The following PCDHA4 variants were observed in gnomAD, a reference collection of about 807,000 sequenced individuals.
PCDHA4 encodes the protein protocadherin alpha-4.
A neutral mutation model predicts 61.4 loss-of-function variants in PCDHA4; 49 were observed. The ratio of observed to expected loss-of-function variants is 0.80; its 90% confidence interval spans 0.63 to 1.01. PCDHA4 has a LOEUF of 1.01. Ranked by LOEUF, PCDHA4 falls within the 50% of genes least tolerant of loss-of-function variation. The pLI is 0.00. For missense variants in PCDHA4, 1,254 were observed against 1,235.8 expected (o/e 1.01, Z -0.22); for synonymous variants, 590 against 550.3 (o/e 1.07, Z -1.01).
chr5:140,907,136 G>A (rs115442963), intron 1 of PCDHA4, among the ~76,000 whole-genome samples: 1,721 of 152,234 alleles, frequency 0.011, 29 homozygotes, highest in African/African-American at 0.038. Flanking sequence ...TGTGAATTCC[G>A]GCTATGGGAG....
intron 1 of PCDHA4, chr5:140,867,087 G>T (rs1320862107): frequency 3.9e-5 from 6 of 151,970 alleles, no homozygotes; most frequent in African/African-American, 1.4e-4. Context: ...CTGTATTGTT[G>T]GAAATTAACA....
intron 1 of PCDHA4, chr5:140,877,494 G>A: frequency 6.2e-7 from 1 of 1,613,890 alleles, no homozygotes; most frequent in Non-Finnish European, 8.5e-7. Context: ...AGAACGGCCA[G>A]GCCCCAAAGA....
chr5:140,998,664 A>C (rs1204598567), intron 3 of PCDHA4, among the ~76,000 whole-genome samples: 1 of 151,936 alleles, frequency 6.6e-6, no homozygotes, highest in Non-Finnish European at 1.5e-5. Flanking sequence ...TCCTGGGTTC[A>C]AGTGATTCTC....
At chr5:141,003,832 G>C (rs1261830894) in intron 3 of PCDHA4, among the ~76,000 whole-genome samples, 1 of 152,102 alleles carries the variant, frequency 6.6e-6, no homozygotes, top group Non-Finnish European at 1.5e-5. Flanking sequence ...TCTGCCTAAC[G>C]ATTCAGACCC....
chr5:140,843,712 C>T, intron 1 of PCDHA4: 1 of 1,569,886 alleles, frequency 6.4e-7, no homozygotes, highest in Non-Finnish European at 8.7e-7. Context: ...ATCATGGCCT[C>T]AAAGTAAGTC....
chr5:140,941,492 T>G (rs1446870882), intron 1 of PCDHA4, among the ~76,000 whole-genome samples: 18 of 151,592 alleles, frequency 1.2e-4, no homozygotes, highest in Admixed American at 1.2e-3. Flanking sequence ...ATTTTTTGTA[T>G]TTTTAGTAGA....
At chr5:140,853,269 C>G (rs1458321470) in intron 1 of PCDHA4, 2 of 975,966 alleles carry the variant, frequency 2.0e-6, no homozygotes, top group African/African-American at 1.8e-5. Flanking sequence ...AGAGTACAAG[C>G]TCTCATCATA....
chr5:140,819,606 T>C (rs1240041247), intron 1 of PCDHA4, among the ~76,000 whole-genome samples: 1 of 152,112 alleles, frequency 6.6e-6, no homozygotes, highest in Non-Finnish European at 1.5e-5. Flanking sequence ...CTGTGGAGTC[T>C]CCCATGAAAT....
intron 1 of PCDHA4, chr5:140,928,370 C>T (rs2085193734): frequency 6.2e-7 from 1 of 1,614,062 alleles, no homozygotes; most frequent in South Asian, 1.1e-5. Context: ...GAAGGGCCAT[C>T]AGCCTCTAGC....
In PCDHA4 at chr5:140,990,740, G is replaced by C. The variant is rs76434886; in HGVS notation, c.2533+8177G>C. Among the ~76,000 whole-genome samples the C allele has an allele frequency of 8.5e-3, 1,294 of 152,288 alleles. 21 individuals carry two copies. Among genetic ancestry groups the C allele is most frequent in the African/African-American group, 0.029 (1,222 of 41,552 alleles). ...ATCACTAGGTATATCAACAGCCCTA[G>C]GGTGGATACCTTTGAGCCTGTAAAT... On this transcript the variant is annotated intron_variant, in intron 3 of 3. Coordinates refer to ENST00000530339, the MANE Select transcript of PCDHA4 (RefSeq NM_018907.4).
chr5:140,844,047 C>A (rs2150368498), intron 1 of PCDHA4, among the ~76,000 whole-genome samples: 1 of 149,488 alleles, frequency 6.7e-6, no homozygotes, highest in African/African-American at 2.5e-5. Context: ...TGAAAGTATT[C>A]CCCCAAAGCG....
At chr5:141,001,144 C>T (rs1225047253) in intron 3 of PCDHA4, among the ~76,000 whole-genome samples, 3 of 151,960 alleles carry the variant, frequency 2.0e-5, no homozygotes, top group Non-Finnish European at 4.4e-5. Context: ...TCTTCTGTTG[C>T]TCTGATCTTA....
intron 3 of PCDHA4, among the ~76,000 whole-genome samples, chr5:141,007,447 A>T (rs2153992021): frequency 6.6e-6 from 1 of 151,258 alleles, no homozygotes; most frequent in South Asian, 2.1e-4. Flanking sequence ...ATGTGCCTGT[A>T]GTCCCAGCTA....
intron 1 of PCDHA4, chr5:140,828,626 G>C (rs1292534909): frequency 2.5e-6 from 4 of 1,613,974 alleles, no homozygotes; most frequent in East Asian, 4.5e-5. Flanking sequence ...CGAATACTTC[G>C]GGCTAGATGT....
chr5:140,821,829 T>G (rs2150110969), intron 1 of PCDHA4: 2 of 1,614,124 alleles, frequency 1.2e-6, no homozygotes, highest in South Asian at 2.2e-5. Context: ...TGCTCTGGCT[T>G]CTCCTTGCCT....
intron 3 of PCDHA4, among the ~76,000 whole-genome samples, chr5:140,997,644 ATGCAATAT>A (rs1287449551): frequency 7.9e-5 from 12 of 151,656 alleles, no homozygotes; most frequent in African/African-American, 2.9e-4. Flanking sequence ...AAATGGGATA[ATGCAATAT>A]GTATTATTAT....
chr5:140,946,959 A>C (rs918204180), intron 1 of PCDHA4, among the ~76,000 whole-genome samples: 2 of 151,664 alleles, frequency 1.3e-5, no homozygotes, highest in Non-Finnish European at 3.0e-5. Context: ...GTATATTTCA[A>C]AATATTATAG....
intron 1 of PCDHA4, chr5:140,929,493 A>G: frequency 9.4e-7 from 1 of 1,059,368 alleles, no homozygotes; most frequent in Non-Finnish European, 1.3e-6. Flanking sequence ...GTATTAGAAG[A>G]TTGCCCTAGG....
At chr5:140,870,880 G>T in intron 1 of PCDHA4, 1 of 1,613,948 alleles carries the variant, frequency 6.2e-7, no homozygotes. Context: ...GGTGGCGAAG[G>T]TGCGCGCAGT....
Sources: allele counts gnomAD v4.1 joint callset (sites outside exome capture counted in the v4.1 genomes callset), GRCh38; gene constraint gnomAD v4.1.1; transcripts MANE v1.5; gene names NCBI Gene and HGNC (gene_info 2026-07-23, HGNC 2026-07-21).